Variants in DOCK4 observed in about 807,000 individuals in gnomAD.
DOCK4 encodes dedicator of cytokinesis protein 4.
In DOCK4, 97 loss-of-function variants were observed where a neutral mutation model predicts 268.1. The observed-to-expected ratio is 0.36, with a 90% CI of 0.31 to 0.43. DOCK4 has a LOEUF of 0.43. Ranked by LOEUF, DOCK4 falls within the 20% of genes least tolerant of loss-of-function variation. The probability of loss-of-function intolerance (pLI) is 1.00; values close to 1 mark genes in which losing one functional copy is unlikely to be tolerated. For missense variants in DOCK4, 2,145 were observed against 2,455.7 expected (o/e 0.87, Z 2.67); for synonymous variants, 954 against 887.2 (o/e 1.08, Z -1.34).
chr7:111,819,641 A>G (rs770818635), intron 27 of DOCK4: 1 of 152,232 alleles, frequency 6.6e-6, no homozygotes, highest in Non-Finnish European at 1.5e-5. Flanking sequence ...CAGCTTATAG[A>G]TGAAAGTTAA....
At chr7:111,900,599 G>A in intron 14 of DOCK4, 63 bp from the exon 15 acceptor site, 3 of 1,526,638 alleles carry the variant, frequency 2.0e-6, no homozygotes, top group Middle Eastern at 1.7e-4. Context: ...TGAAAAGGCA[G>A]AGCAATCACT....
chr7:112,038,509 C>G (rs973418824), intron 1 of DOCK4, among the ~76,000 whole-genome samples: 3 of 152,102 alleles, frequency 2.0e-5, no homozygotes, highest in African/African-American at 7.2e-5. Flanking sequence ...ATAATTGGAT[C>G]AGGGCTGAAG....
At chr7:111,764,620 T>C (rs1310068613) in intron 39 of DOCK4, among the ~76,000 whole-genome samples, 1 of 152,230 alleles carries the variant, frequency 6.6e-6, no homozygotes, top group Non-Finnish European at 1.5e-5. Context: ...AAGTTTTCTC[T>C]TTGTAGAAAT....
intron 1 of DOCK4, among the ~76,000 whole-genome samples, chr7:112,084,843 G>A (rs1808919783): frequency 6.6e-6 from 1 of 152,032 alleles, no homozygotes; most frequent in Non-Finnish European, 1.5e-5. Flanking sequence ...TCTGCTGGGT[G>A]TTTTCACCAT....
intron 1 of DOCK4, among the ~76,000 whole-genome samples, chr7:112,191,959 T>C (rs903401742): frequency 1.3e-5 from 2 of 148,312 alleles, no homozygotes; most frequent in South Asian, 4.2e-4. Flanking sequence ...ACTTATATAA[T>C]ATATATTATA....
chr7:112,136,505 A>G (rs1814364214), intron 1 of DOCK4, among the ~76,000 whole-genome samples: 1 of 152,212 alleles, frequency 6.6e-6, no homozygotes, highest in Non-Finnish European at 1.5e-5. Context: ...CGTAACACCT[A>G]TGTGTCAAGC....
intron 1 of DOCK4, among the ~76,000 whole-genome samples, chr7:112,108,772 G>C (rs907543055): frequency 6.6e-6 from 1 of 152,188 alleles, no homozygotes; most frequent in Non-Finnish European, 1.5e-5. Context: ...CCACACGATT[G>C]CATTTCAGTG....
chr7:112,065,333 C>G (rs1367554186), intron 1 of DOCK4, among the ~76,000 whole-genome samples: 1 of 152,048 alleles, frequency 6.6e-6, no homozygotes, highest in Non-Finnish European at 1.5e-5. Context: ...TCTTTCTCAG[C>G]CTCCTAGTCC....
At chr7:112,177,356 T>C (rs1818625522) in intron 1 of DOCK4, among the ~76,000 whole-genome samples, 1 of 152,258 alleles carries the variant, frequency 6.6e-6, no homozygotes, top group African/African-American at 2.4e-5. Flanking sequence ...GCTTTTGTGA[T>C]GAGTGAAGAA....
intron 4 of DOCK4, among the ~76,000 whole-genome samples, chr7:111,995,071 G>A (rs1321617416): frequency 4.0e-5 from 6 of 150,184 alleles, no homozygotes; most frequent in South Asian, 2.1e-4. Flanking sequence ...TTGCTCTGTC[G>A]CCCAGGCTGG....
At chr7:112,089,035 C>T (rs918431289) in intron 1 of DOCK4, among the ~76,000 whole-genome samples, 11 of 152,004 alleles carry the variant, frequency 7.2e-5, no homozygotes, top group Non-Finnish European at 1.6e-4. Context: ...ATATAAAATA[C>T]CTAATTAATA....
intron 1 of DOCK4, among the ~76,000 whole-genome samples, chr7:112,099,726 T>G (rs1810503983): frequency 6.6e-6 from 1 of 152,144 alleles, no homozygotes; most frequent in Non-Finnish European, 1.5e-5. Flanking sequence ...TATGTGCATA[T>G]AAGAAAACAG....
intron 1 of DOCK4, among the ~76,000 whole-genome samples, chr7:112,146,717 T>C (rs1001749098): frequency 6.6e-6 from 1 of 152,098 alleles, no homozygotes; most frequent in African/African-American, 2.4e-5. Context: ...TGGGCAACAG[T>C]GTAAGACCTT....
intron 42 of DOCK4, among the ~76,000 whole-genome samples, chr7:111,749,968 A>T (rs1432517576): frequency 2.0e-5 from 3 of 152,210 alleles, no homozygotes; most frequent in African/African-American, 7.2e-5. Context: ...CTTCTAGGGA[A>T]ATATAAGGGG....
chr7:111,943,014 C>A (rs185938959), intron 10 of DOCK4, among the ~76,000 whole-genome samples: 1 of 152,206 alleles, frequency 6.6e-6, no homozygotes, highest in Non-Finnish European at 1.5e-5. Flanking sequence ...GATCTGCCAC[C>A]AATTTCACTC....
intron 1 of DOCK4, among the ~76,000 whole-genome samples, chr7:112,202,152 G>T (rs1821002990): frequency 6.6e-6 from 1 of 152,160 alleles, no homozygotes; most frequent in Admixed American, 6.5e-5. Flanking sequence ...ATGAACATGG[G>T]ATAGCAGATA....
chr7:111,844,635 T>A, intron 25 of DOCK4, 128 bp downstream of exon 25: 1 of 1,234,346 alleles, frequency 8.1e-7, no homozygotes, highest in Non-Finnish European at 1.1e-6. Context: ...TAACCTCATA[T>A]GATTTTGAAA....
chr7:111,971,851 GC>G, intron 8 of DOCK4: 1 of 275,048 alleles, frequency 3.6e-6, no homozygotes, highest in South Asian at 4.4e-5. Flanking sequence ...ATTTCACAAA[GC>G]CAGGGAGGTC....
Position 111,735,078 on chromosome 7 carries a change from C to T in DOCK4, c.5395G>A (p.Val1799Ile). The T allele has an allele frequency of 6.3e-7, 1 of 1,597,100 alleles. No homozygotes were observed. Among genetic ancestry groups the T allele is most frequent in the Middle Eastern group, 1.7e-4 (1 of 6,032 alleles). Residue 1799 changes from valine to isoleucine, a missense_variant, in exon 51 of 53, where the codon GTC becomes ATC. Coordinates refer to ENST00000428084, the MANE Select transcript of DOCK4 (RefSeq NM_001363540.2). The part of the protein sequence containing the change: ...SDSGKLISPP[V>I]PPRPTQTASP... ...CCAGTCTGTGTGGGTCTTGGAGGGA[C>T]AGGGGGAGAGATAAGTTTCCCACTA...
Sources: allele counts gnomAD v4.1 joint callset (sites outside exome capture counted in the v4.1 genomes callset), GRCh38; gene constraint gnomAD v4.1.1; transcripts MANE v1.5; gene names NCBI Gene and HGNC (gene_info 2026-07-23, HGNC 2026-07-21).